Variants in CNTNAP2 observed in about 807,000 individuals in gnomAD.
The protein encoded by CNTNAP2 is contactin-associated protein-like 2.
In CNTNAP2, 98 loss-of-function variants were observed where a neutral mutation model predicts 155.2. That is an observed-to-expected ratio of 0.63 (90% CI 0.54 to 0.75). The LOEUF is 0.75. Among genes scored for constraint, CNTNAP2 ranks in the 30% least tolerant of loss-of-function variants. CNTNAP2 has a pLI of 0.00. For missense variants in CNTNAP2, 1,727 were observed against 1,688.1 expected (o/e 1.02, Z -0.40); for synonymous variants, 651 against 631.2 (o/e 1.03, Z -0.47).
At chr7:146,747,949 A>C (rs1801836445) in intron 1 of CNTNAP2, among the ~76,000 whole-genome samples, 1 of 152,080 alleles carries the variant, frequency 6.6e-6, no homozygotes, top group Non-Finnish European at 1.5e-5. Context: ...ACGGGATGAA[A>C]CTGCCTGCTA....
chr7:148,292,561 G>A (rs1187719956), intron 21 of CNTNAP2, among the ~76,000 whole-genome samples: 2 of 152,188 alleles, frequency 1.3e-5, no homozygotes, highest in Non-Finnish European at 2.9e-5. Flanking sequence ...TGTTTCCTAA[G>A]AGAAAAAGAG....
intron 19 of CNTNAP2, among the ~76,000 whole-genome samples, chr7:148,228,782 C>T (rs1001102452): frequency 5.5e-5 from 8 of 146,218 alleles, no homozygotes; most frequent in Non-Finnish European, 1.0e-4. Context: ...GAGCCGAGAT[C>T]GCGCCACTGC....
chr7:146,241,499 A>G (rs1420461089), intron 1 of CNTNAP2, among the ~76,000 whole-genome samples: 1 of 152,318 alleles, frequency 6.6e-6, no homozygotes, highest in Middle Eastern at 3.4e-3. Context: ...TCCTCTAGCC[A>G]TCAAATTATC....
chr7:146,466,986 A>C (rs1420824274), intron 1 of CNTNAP2, among the ~76,000 whole-genome samples: 1 of 152,184 alleles, frequency 6.6e-6, no homozygotes. Flanking sequence ...ATTTATTTCA[A>C]TGTACTTTTA....
In CNTNAP2 at chr7:147,571,076, C is replaced by T. The variant is rs190995067; in HGVS notation, c.1897+8819C>T. ...TCAGAGGACACATTTTAAATGAAAT[C>T]GATATATAAACCATTATAGGCAATT... is the stretch of plus-strand genomic sequence containing the variant. On this transcript the variant is annotated intron_variant, in intron 12 of 23. Transcript: ENST00000361727. Among the ~76,000 whole-genome samples the T allele has an allele frequency of 2.2e-3, 329 of 152,010 alleles. 1 individual carries two copies. Among genetic ancestry groups the T allele is most frequent in the Non-Finnish European group, 1.0e-3 (70 of 67,960 alleles).
At chr7:147,222,664 G>A (rs1372841481) in intron 8 of CNTNAP2, among the ~76,000 whole-genome samples, 3 of 152,048 alleles carry the variant, frequency 2.0e-5, no homozygotes, top group Non-Finnish European at 4.4e-5. Context: ...CAATGTACTG[G>A]GCAAAAGGGA....
At chr7:148,192,118 A>C (rs1795208796) in intron 18 of CNTNAP2, among the ~76,000 whole-genome samples, 1 of 152,206 alleles carries the variant, frequency 6.6e-6, no homozygotes, top group South Asian at 2.1e-4. Context: ...GAAGCACTTG[A>C]GTCCTTTCTT....
At chr7:146,652,676 G>A (rs77943326) in intron 1 of CNTNAP2, among the ~76,000 whole-genome samples, 2,203 of 152,216 alleles carry the variant, frequency 0.014, 20 homozygotes, top group Middle Eastern at 0.027. Flanking sequence ...AAATAACTTT[G>A]AACTTCAAGA....
intron 18 of CNTNAP2, among the ~76,000 whole-genome samples, chr7:148,207,700 AT>A (rs1795473953): frequency 1.3e-5 from 2 of 152,190 alleles, no homozygotes; most frequent in South Asian, 4.1e-4. Context: ...AGAGGGATAT[AT>A]TTTAGGTTTA....
intron 21 of CNTNAP2, among the ~76,000 whole-genome samples, chr7:148,291,402 G>C (rs1156415376): frequency 6.6e-6 from 1 of 152,056 alleles, no homozygotes; most frequent in Non-Finnish European, 1.5e-5. Flanking sequence ...AGGAGAGACA[G>C]TCCGAGTTCC....
intron 3 of CNTNAP2, among the ~76,000 whole-genome samples, chr7:146,937,429 A>G (rs1462168071): frequency 6.6e-6 from 1 of 152,078 alleles, no homozygotes; most frequent in African/African-American, 2.4e-5. Context: ...CACTTTCAAA[A>G]TGATGAATAT....
chr7:146,530,568 C>G (rs1048770941), intron 1 of CNTNAP2, among the ~76,000 whole-genome samples: 1 of 152,094 alleles, frequency 6.6e-6, no homozygotes, highest in Non-Finnish European at 1.5e-5. Flanking sequence ...GGGCAAAAGA[C>G]ATGAACAGAA....
intron 1 of CNTNAP2, among the ~76,000 whole-genome samples, chr7:146,489,368 A>G (rs1343725362): frequency 3.3e-5 from 5 of 152,218 alleles, no homozygotes; most frequent in African/African-American, 4.8e-5. Flanking sequence ...TTTAGTTTTT[A>G]ACTTGTCTAA....
rs1805573788 is a variant in CNTNAP2 at position 148,162,742 on chromosome 7, T to C, written c.2774-9500T>C. ...CAGGTGCAGGGGCTCACACCTGTGA[T>C]CCTAACACTTTTGGAGGCCAAGGCA... is the stretch of plus-strand genomic sequence containing the variant. On this transcript the variant is annotated intron_variant, in intron 17 of 23. Coordinates refer to ENST00000361727, the MANE Select transcript of CNTNAP2 (RefSeq NM_014141.6). Among the ~76,000 whole-genome samples, 3 of 152,326 alleles carry C rather than the reference T, an allele frequency of 2.0e-5. No individual in the cohort carries two copies. In the South Asian group the frequency reaches 6.2e-4, roughly 32 times the overall value.
At chr7:146,197,236 C>G (rs1013986039) in intron 1 of CNTNAP2, among the ~76,000 whole-genome samples, 1 of 152,044 alleles carries the variant, frequency 6.6e-6, no homozygotes, top group African/African-American at 2.4e-5. Flanking sequence ...TGTTATTATT[C>G]CTCATAGCAA....
chr7:147,052,679 T>C (rs1039973569), intron 4 of CNTNAP2, among the ~76,000 whole-genome samples: 1 of 152,014 alleles, frequency 6.6e-6, no homozygotes, highest in Non-Finnish European at 1.5e-5. Flanking sequence ...GGCTGCTTCA[T>C]GGGTTATGTA....
At chr7:146,805,233 G>C (rs1398476530) in intron 2 of CNTNAP2, among the ~76,000 whole-genome samples, 1 of 152,180 alleles carries the variant, frequency 6.6e-6, no homozygotes, top group Non-Finnish European at 1.5e-5. Flanking sequence ...ATAGCATACT[G>C]ACAGTGCTTA....
chr7:148,200,450 A>G (rs1795350716), intron 18 of CNTNAP2, among the ~76,000 whole-genome samples: 1 of 150,242 alleles, frequency 6.7e-6, no homozygotes, highest in African/African-American at 2.5e-5. Context: ...GCTAGAGTGC[A>G]GTGGCACAAT....
intron 13 of CNTNAP2, among the ~76,000 whole-genome samples, chr7:147,820,112 C>T (rs1798339118): frequency 1.3e-5 from 2 of 151,942 alleles, no homozygotes; most frequent in Admixed American, 1.3e-4. Context: ...ACATATCCAC[C>T]AGCAAAATAA....
Sources: gnomAD v4.1 joint callset for allele counts (sites outside exome capture counted in the v4.1 genomes callset) on GRCh38, gnomAD v4.1.1 for gene constraint, MANE v1.5 for transcripts, NCBI Gene and HGNC (gene_info 2026-07-23, HGNC 2026-07-21) for gene names.